Variants in MACF1 observed in about 807,000 individuals in gnomAD.
MACF1 encodes microtubule-actin cross-linking factor 1.
A neutral mutation model predicts 854.8 loss-of-function variants in MACF1; 193 were observed. The observed-to-expected ratio is 0.23, with a 90% confidence interval of 0.20 to 0.25. The LOEUF is 0.25. MACF1 is among the 10% of genes least tolerant of loss of function. The pLI is 1.00. For missense variants in MACF1, 7,722 were observed against 8,929.1 expected (o/e 0.86, Z 5.45); for synonymous variants, 3,185 against 3,226.7 (o/e 0.99, Z 0.44).
intron 2 of MACF1, among the ~76,000 whole-genome samples, chr1:39,198,091 G>A (rs1326520672): frequency 6.6e-6 from 1 of 152,002 alleles, no homozygotes; most frequent in Non-Finnish European, 1.5e-5. Context: ...CCAGCTACTC[G>A]GGAGGCAGAG....
At chr1:39,428,532 C>T (rs1384313960) in intron 63 of MACF1, among the ~76,000 whole-genome samples, 1 of 152,018 alleles carries the variant, frequency 6.6e-6, no homozygotes, top group African/African-American at 2.4e-5. Context: ...TAGTCAGGGG[C>T]CATCTGAACT....
At chr1:39,461,518 G>A (rs1309831219) in intron 92 of MACF1, among the ~76,000 whole-genome samples, 1 of 152,040 alleles carries the variant, frequency 6.6e-6, no homozygotes, top group African/African-American at 2.4e-5. Flanking sequence ...GCCAGGCGTG[G>A]TGGCTCGCGC....
At chr1:39,114,579 A>C (rs1642500049) in intron 2 of MACF1, among the ~76,000 whole-genome samples, 1 of 152,210 alleles carries the variant, frequency 6.6e-6, no homozygotes, top group Non-Finnish European at 1.5e-5. Context: ...TGACAGAGGA[A>C]ATATTAATTT....
chr1:39,250,389 A>C (rs1363530824), intron 3 of MACF1, among the ~76,000 whole-genome samples: 1 of 152,106 alleles, frequency 6.6e-6, no homozygotes, highest in Non-Finnish European at 1.5e-5. Context: ...TTTATTTTCT[A>C]GATACTAATA....
chr1:39,426,197 A>G (rs962593512), intron 61 of MACF1, among the ~76,000 whole-genome samples: 2 of 152,238 alleles, frequency 1.3e-5, no homozygotes, highest in Non-Finnish European at 2.9e-5. Context: ...GAAGGCTGGC[A>G]TAAACAAACT....
At chr1:39,207,282 C>T (rs11485577) in intron 1 of MACF1, among the ~76,000 whole-genome samples, 7 of 133,310 alleles carry the variant, frequency 5.3e-5, no homozygotes, top group South Asian at 2.3e-4. Flanking sequence ...TTCTTTCTTT[C>T]TTTTTTTTTT....
intron 1 of MACF1, among the ~76,000 whole-genome samples, chr1:39,230,566 A>G (rs1644765749): frequency 1.3e-5 from 2 of 151,120 alleles, no homozygotes; most frequent in African/African-American, 4.8e-5. Context: ...ATTGACAGTC[A>G]TGTTTTTGTT....
At chr1:39,393,184 A>T (rs1361085401) in intron 58 of MACF1, among the ~76,000 whole-genome samples, 2 of 87,552 alleles carry the variant, frequency 2.3e-5, no homozygotes, top group Admixed American at 1.1e-4. Context: ...GGAAGGGTAA[A>T]AAAAAAAAAA....
chr1:39,425,405 C>A (rs907266332), intron 61 of MACF1, among the ~76,000 whole-genome samples: 11 of 152,134 alleles, frequency 7.2e-5, no homozygotes, highest in Admixed American at 5.9e-4. Flanking sequence ...TTAATCATAT[C>A]TTTTCAAGCT....
intron 15 of MACF1, 78 bp downstream of exon 15, chr1:39,287,640 C>T: frequency 1.3e-6 from 2 of 1,482,424 alleles, no homozygotes; most frequent in Non-Finnish European, 1.9e-6. Flanking sequence ...GACCAAATTG[C>T]TTTGTGTTCC....
At chr1:39,345,628 C>G (rs1223332325) in intron 40 of MACF1, among the ~76,000 whole-genome samples, 1 of 151,900 alleles carries the variant, frequency 6.6e-6, no homozygotes, top group Non-Finnish European at 1.5e-5. Flanking sequence ...AAAATTTTAG[C>G]GAATCATAAA....
Position 39,441,953 on chromosome 1 carries a change from CTA to C in MACF1, c.18676_18677del (p.Met6226ValfsTer2). Reference sequence around the variant, plus strand: ...CTGTTTACTTGTCTTTTGTTCTAGGCTATGTTTGACTGGCTAGATAACACTGT... The same window carrying C: ...CTGTTTACTTGTCTTTTGTTCTAGGCTGTTTGACTGGCTAGATAACACTGT... On this transcript the variant is annotated frameshift_variant and splice_region_variant, in exon 75 of 101. Transcript: ENST00000564288. LOFTEE classifies it high-confidence loss of function. 6.2e-7 allele frequency: 1 copy of C among 1,612,614 alleles called. No individual in the cohort carries two copies. The highest frequency in any genetic ancestry group is 8.5e-7 in the Non-Finnish European group (1 of 1,178,810).
At chr1:39,253,906 C>A (rs1308047028) in intron 4 of MACF1, among the ~76,000 whole-genome samples, 1 of 152,116 alleles carries the variant, frequency 6.6e-6, no homozygotes, top group Non-Finnish European at 1.5e-5. Context: ...GACTTTCCAC[C>A]CTTTCTCTAC....
chr1:39,260,918 A>T (rs906978047), intron 6 of MACF1, among the ~76,000 whole-genome samples: 3 of 152,234 alleles, frequency 2.0e-5, no homozygotes, highest in Admixed American at 6.5e-5. Flanking sequence ...GATCTGTAAA[A>T]TCATATATAT....
chr1:39,191,444 T>C (rs1368273715), intron 2 of MACF1, among the ~76,000 whole-genome samples: 1 of 152,230 alleles, frequency 6.6e-6, no homozygotes, highest in Non-Finnish European at 1.5e-5. Flanking sequence ...GGAACATCTA[T>C]TGGGAGAAAG....
chr1:39,410,505 T>G lies in MACF1; in HGVS notation c.15817-11869T>G, dbSNP rs1230615971. 8 of 1,614,038 alleles carry G rather than the reference T, an allele frequency of 5.0e-6. No individual in the cohort carries two copies. In the East Asian group the frequency reaches 1.8e-4, roughly 36 times the overall value. On this transcript the variant is annotated intron_variant, in intron 58 of 100. Coordinates refer to ENST00000564288, the MANE Select transcript of MACF1 (RefSeq NM_001394062.1). ...GCAATGGTACATTAGGAGCAGCATC[T>G]AATGTTTTTGAATCTAGAGCACCAG...
intron 58 of MACF1, 77 bp from the exon 59 acceptor site, chr1:39,422,297 A>G (rs1397462924): frequency 1.3e-5 from 15 of 1,163,796 alleles, no homozygotes; most frequent in South Asian, 1.7e-5. Context: ...AAATGCCCCA[A>G]GAATAACCAG....
chr1:39,292,838 T>C lies in MACF1; in HGVS notation c.1987T>C (p.Leu663=). Residue 663 remains leucine, a synonymous_variant, in exon 17 of 101, where the codon TTG becomes CTG. Transcript: ENST00000564288. ...LGKLETQYCK[L]KETSSFRMRH... ...AAAGCTGGAGACACAGTATTGTAAA[T>C]TGAAGGTGAGTTTCTGCCGATTCTC... 2 of 1,612,082 alleles carry C rather than the reference T, an allele frequency of 1.2e-6. No individual in the cohort carries two copies. The highest frequency in any genetic ancestry group is 1.7e-6 in the Non-Finnish European group (2 of 1,179,210).
intron 2 of MACF1, among the ~76,000 whole-genome samples, chr1:39,092,218 G>C (rs1219325836): frequency 6.6e-6 from 1 of 152,182 alleles, no homozygotes. Flanking sequence ...TCGTAGGAAG[G>C]AAAGAAGGAA....
Sources: gnomAD v4.1 joint callset for allele counts (sites outside exome capture counted in the v4.1 genomes callset) on GRCh38, gnomAD v4.1.1 for gene constraint, MANE v1.5 for transcripts, NCBI Gene and HGNC (gene_info 2026-07-23, HGNC 2026-07-21) for gene names.